PIEZO2: variants seen among roughly 807,000 people sequenced by gnomAD.
The protein encoded by PIEZO2 is piezo type mechanosensitive ion channel component 2, also known as piezo-type mechanosensitive ion channel component 2.
In PIEZO2, 172 loss-of-function variants were observed where a neutral mutation model predicts 337.3. The ratio of observed to expected loss-of-function variants is 0.51; its 90% CI spans 0.45 to 0.58. The LOEUF (loss-of-function observed/expected upper bound fraction) is 0.58, where lower values mean the gene tolerates loss of function less well. Among genes scored for constraint, PIEZO2 ranks in the 20% least tolerant of loss-of-function variants. The pLI, the probability that PIEZO2 is intolerant of heterozygous loss-of-function variation, is 0.00. For missense variants in PIEZO2, 3,028 were observed against 3,391.3 expected (o/e 0.89, Z 2.66); for synonymous variants, 1,251 against 1,228.5 (o/e 1.02, Z -0.38).
At chr18:11,135,278 C>A (rs916340618) in intron 1 of PIEZO2, among the ~76,000 whole-genome samples, 1 of 152,084 alleles carries the variant, frequency 6.6e-6, no homozygotes, top group African/African-American at 2.4e-5. Flanking sequence ...TCAGAGAAAA[C>A]AAACGCCAGG....
rs769881167 is a variant in PIEZO2 at position 11,077,847 on chromosome 18, G to C, written c.65-11625C>G. ...ATGGCTTACTAGACTGTGTTACAAA[G>C]TAGAGCATAAGTGTCATTTTTCATT... On this transcript the variant is annotated intron_variant, in intron 1 of 55. Coordinates refer to ENST00000674853, the MANE Select transcript of PIEZO2 (RefSeq NM_001378183.1). This position sits in a 1 kb window ranked among gnomAD's most constrained non-coding sequence, Gnocchi z 4.8. 7.9e-5 allele frequency among the ~76,000 whole-genome samples: 12 copies of C among 152,118 alleles called. No homozygotes were observed. Among genetic ancestry groups the C allele is most frequent in the Non-Finnish European group, 1.6e-4 (11 of 68,026 alleles).
intron 41 of PIEZO2, 123 bp from the exon 42 acceptor site, chr18:10,704,775 C>T: frequency 8.4e-7 from 1 of 1,189,180 alleles, no homozygotes; most frequent in African/African-American, 1.5e-5. Flanking sequence ...ACCTCCGCCT[C>T]CCGAACTCAA....
chr18:10,945,072 G>C lies in PIEZO2; in HGVS notation c.287-33844C>G, dbSNP rs1410535589. On this transcript the variant is annotated intron_variant, in intron 3 of 55. Transcript: ENST00000674853. The surrounding 1 kb of genome is among the most constrained non-coding windows in gnomAD (Gnocchi z 4.0). ...TCACAGGAAAGAGTATTAGAGAATA[G>C]ATTGCAGCACAGAAGAAGGGCCCCG... is the stretch of plus-strand genomic sequence containing the variant. 6.6e-6 allele frequency among the ~76,000 whole-genome samples: 1 copy of C among 152,136 alleles called. No homozygotes were observed. Among genetic ancestry groups the C allele is most frequent in the Non-Finnish European group, 1.5e-5 (1 of 68,032 alleles).
intron 43 of PIEZO2, among the ~76,000 whole-genome samples, chr18:10,701,297 A>C (rs1183737260): frequency 6.6e-6 from 1 of 152,272 alleles, no homozygotes; most frequent in Non-Finnish European, 1.5e-5. Context: ...AGTTTAGTTT[A>C]TAATTCACAG....
At position 11,021,608 on chromosome 18, in the gene PIEZO2, G is replaced by A. The variant is rs1394671570; in HGVS notation, c.161-41948C>T. 6.6e-6 allele frequency among the ~76,000 whole-genome samples: 1 copy of A among 152,148 alleles called. No individual in the cohort carries two copies. The highest frequency in any genetic ancestry group is 1.5e-5 in the Non-Finnish European group (1 of 68,026). On this transcript the variant is annotated intron_variant, in intron 2 of 55. Transcript: ENST00000674853. The surrounding 1 kb of genome is among the most constrained non-coding windows in gnomAD (Gnocchi z 4.7). Reference sequence around the variant, plus strand: ...CATCGTGAATGAAAACCACCAAGTGGGGTTCCTGGGGGACTTTGAGTCTCA... The same window carrying A: ...CATCGTGAATGAAAACCACCAAGTGAGGTTCCTGGGGGACTTTGAGTCTCA...
intron 47 of PIEZO2, among the ~76,000 whole-genome samples, chr18:10,692,698 ACT>A (rs975477599): frequency 2.0e-5 from 3 of 151,932 alleles, no homozygotes; most frequent in Non-Finnish European, 2.9e-5. Flanking sequence ...CTATTTCTGG[ACT>A]CTCTGTTCTG....
At chr18:10,898,748 A>G (rs1020314507) in intron 4 of PIEZO2, among the ~76,000 whole-genome samples, 2 of 152,194 alleles carry the variant, frequency 1.3e-5, no homozygotes, top group Non-Finnish European at 2.9e-5. Flanking sequence ...CTGAGTAAGT[A>G]TAGCAGGAAG....
intron 7 of PIEZO2, among the ~76,000 whole-genome samples, chr18:10,843,316 C>T (rs575182462): frequency 6.6e-5 from 10 of 150,974 alleles, no homozygotes; most frequent in East Asian, 1.9e-4. Context: ...ATTTCTTATA[C>T]GCTCACACTT....
rs1394172773 is a variant in PIEZO2 at position 11,009,584 on chromosome 18, A to G, written c.161-29924T>C. Among the ~76,000 whole-genome samples the G allele has an allele frequency of 6.6e-6, 1 of 152,170 alleles. No homozygotes were observed. The highest frequency in any genetic ancestry group is 6.5e-5 in the Admixed American group (1 of 15,272). Reference sequence around the variant, plus strand: ...AGTCTCACTTTTCCAAGATCATTACACTTCTTTGGTATCATACGAAGTAAT... The same window carrying G: ...AGTCTCACTTTTCCAAGATCATTACGCTTCTTTGGTATCATACGAAGTAAT... On this transcript the variant is annotated intron_variant, in intron 2 of 55. Transcript: ENST00000674853. This position sits in a 1 kb window ranked among gnomAD's most constrained non-coding sequence, Gnocchi z 4.6.
At chr18:10,685,190 A>G (rs1375543650) in intron 49 of PIEZO2, among the ~76,000 whole-genome samples, 1 of 152,216 alleles carries the variant, frequency 6.6e-6, no homozygotes, top group Non-Finnish European at 1.5e-5. Flanking sequence ...ATGTGGAATC[A>G]CACCCAGGAA....
chr18:10,994,967 G>T (rs1032427441), intron 2 of PIEZO2, among the ~76,000 whole-genome samples: 9 of 151,080 alleles, frequency 6.0e-5, no homozygotes, highest in Non-Finnish European at 1.0e-4. Flanking sequence ...AGCTACTTGG[G>T]AGGCTGAGGC....
At chr18:10,901,867 A>G (rs974518752) in intron 4 of PIEZO2, among the ~76,000 whole-genome samples, 1 of 148,126 alleles carries the variant, frequency 6.8e-6, no homozygotes, top group Non-Finnish European at 1.5e-5. Context: ...TCACACTTCC[A>G]CCTCTTCTGC....
chr18:10,854,563 AG>A lies in PIEZO2; in HGVS notation c.917+789del, dbSNP rs1369875034. ...CATTCACTGAGAATGACTTATTAAA[AG>A]TCAAAGTAAATGCTAGATTCTTTAC... On this transcript the variant is annotated intron_variant, in intron 7 of 55. Coordinates refer to ENST00000674853, the MANE Select transcript of PIEZO2 (RefSeq NM_001378183.1). The surrounding 1 kb of genome is among the most constrained non-coding windows in gnomAD (Gnocchi z 4.6). Among the ~76,000 whole-genome samples the A allele has an allele frequency of 6.6e-6, 1 of 152,238 alleles. No homozygotes were observed. Among genetic ancestry groups the A allele is most frequent in the Non-Finnish European group, 1.5e-5 (1 of 68,038 alleles).
chr18:10,680,647 T>A (rs1033541425), intron 51 of PIEZO2, among the ~76,000 whole-genome samples: 2 of 152,148 alleles, frequency 1.3e-5, no homozygotes, highest in African/African-American at 4.8e-5. Context: ...GAAAAACAGA[T>A]AATTTAGTGT....
At position 10,877,197 on chromosome 18, in the gene PIEZO2, A is replaced by G. The variant is rs2144823244; in HGVS notation, c.330-5782T>C. The stretch of plus-strand genomic sequence containing the variant: ...TCACTCTACAAGATCACCCTGGATG[A>G]TATCCATCCCCAAGGCCCTAATCAG... On this transcript the variant is annotated intron_variant, in intron 4 of 55. Transcript: ENST00000674853. The surrounding 1 kb of genome is among the most constrained non-coding windows in gnomAD (Gnocchi z 5.3). Among the ~76,000 whole-genome samples the G allele has an allele frequency of 6.6e-6, 1 of 152,296 alleles. No homozygotes were observed. The highest frequency in any genetic ancestry group is 2.4e-5 in the African/African-American group (1 of 41,576).
intron 33 of PIEZO2, chr18:10,740,805 A>G: frequency 1.5e-6 from 1 of 672,074 alleles, no homozygotes; most frequent in South Asian, 1.6e-5. Flanking sequence ...TTGGCTTTCT[A>G]CAGCCAGCAC....
intron 3 of PIEZO2, among the ~76,000 whole-genome samples, chr18:10,944,015 T>C (rs970305933): frequency 6.6e-6 from 1 of 152,186 alleles, no homozygotes; most frequent in Non-Finnish European, 1.5e-5. Context: ...TCCCCAGCCA[T>C]GTGGAACCGT....
intron 34 of PIEZO2, 104 bp downstream of exon 34, chr18:10,736,500 C>A: frequency 7.0e-7 from 1 of 1,433,410 alleles, no homozygotes; most frequent in Non-Finnish European, 9.2e-7. Flanking sequence ...CTTCGGGGAG[C>A]TATGACATAT....
rs924284008 is a variant in PIEZO2 at position 10,788,952 on chromosome 18, T to C, written c.2169+127A>G. On this transcript the variant is annotated intron_variant, in intron 15 of 55. Transcript: ENST00000674853. Reference sequence around the variant, plus strand: ...CCATTTTAGGATTCTTGGGATACGATGTTTGAATCTTGCCAATCACTTTAT... The same window carrying C: ...CCATTTTAGGATTCTTGGGATACGACGTTTGAATCTTGCCAATCACTTTAT... 5 of 1,093,524 alleles carry C rather than the reference T, an allele frequency of 4.6e-6. No individual in the cohort carries two copies. The African/African-American group carries it at 4.8e-5, about 10-fold the overall frequency. 67.7% of individuals were successfully genotyped at this position (1,093,524 alleles called of 1,614,324 possible).
Sources: allele counts gnomAD v4.1 joint callset (sites outside exome capture counted in the v4.1 genomes callset), GRCh38; gene constraint gnomAD v4.1.1; non-coding constraint Gnocchi (gnomAD v3.1); transcripts MANE v1.5; gene names NCBI Gene and HGNC (gene_info 2026-07-23, HGNC 2026-07-21).